ARHGEF28: variants seen among roughly 807,000 people sequenced by gnomAD.
ARHGEF28 encodes Rho guanine nucleotide exchange factor 28, also known as 190 kDa guanine nucleotide exchange factor.
ARHGEF28 carries 152 observed loss-of-function variants against 206.6 expected under a neutral mutation model. The observed-to-expected ratio is 0.74, with a 90% CI of 0.64 to 0.84. ARHGEF28 has a LOEUF of 0.84. Among genes scored for constraint, ARHGEF28 ranks in the 40% least tolerant of loss-of-function variants. The probability of loss-of-function intolerance (pLI) is 0.00; values close to 1 mark genes in which losing one functional copy is unlikely to be tolerated. For synonymous variants in ARHGEF28, 763 were observed against 776.4 expected (o/e 0.98, Z 0.29); for missense variants, 2,028 against 2,073.2 (o/e 0.98, Z 0.42).
chr5:73,686,211 A>T (rs548161218), intron 2 of ARHGEF28, among the ~76,000 whole-genome samples: 4 of 151,448 alleles, frequency 2.6e-5, no homozygotes, highest in African/African-American at 7.2e-5. Context: ...ATTAAAGATT[A>T]AAAAAAAGGC....
At chr5:73,712,351 G>C (rs1007924605) in intron 2 of ARHGEF28, among the ~76,000 whole-genome samples, 2 of 152,126 alleles carry the variant, frequency 1.3e-5, no homozygotes, top group Non-Finnish European at 2.9e-5. Context: ...TGAATTGTGA[G>C]GGAATAAAAT....
At chr5:73,780,269 C>G (rs556988992) in intron 6 of ARHGEF28, 8 of 178,678 alleles carry the variant, frequency 4.5e-5, no homozygotes, top group Non-Finnish European at 8.4e-5. Context: ...CGGTCCTAGC[C>G]CCTCACCTGG....
chr5:73,697,730 T>G (rs1454874502), intron 2 of ARHGEF28, among the ~76,000 whole-genome samples: 1 of 152,162 alleles, frequency 6.6e-6, no homozygotes, highest in Non-Finnish European at 1.5e-5. Flanking sequence ...AATTTCAACA[T>G]GAGTTTCTGG....
intron 1 of ARHGEF28, among the ~76,000 whole-genome samples, chr5:73,654,480 G>T (rs949252609): frequency 1.3e-5 from 2 of 152,192 alleles, no homozygotes; most frequent in East Asian, 3.9e-4. Flanking sequence ...ATCTTTAGTC[G>T]TGGGCCTCAT....
chr5:73,878,253 C>G (rs1176743436), intron 22 of ARHGEF28, among the ~76,000 whole-genome samples: 4 of 148,892 alleles, frequency 2.7e-5, no homozygotes, highest in Non-Finnish European at 5.9e-5. Context: ...CAACCCCTGC[C>G]TTTTTTTGTT....
At chr5:73,729,339 C>G (rs1229251754) in intron 2 of ARHGEF28, among the ~76,000 whole-genome samples, 2 of 152,130 alleles carry the variant, frequency 1.3e-5, no homozygotes, top group Non-Finnish European at 2.9e-5. Context: ...ATGTGTTGCT[C>G]TAATCATGAG....
intron 14 of ARHGEF28, among the ~76,000 whole-genome samples, chr5:73,855,562 T>C (rs778485847): frequency 1.3e-5 from 2 of 151,766 alleles, no homozygotes; most frequent in Non-Finnish European, 2.9e-5. Flanking sequence ...CAAAACCCCA[T>C]CTCTACTAAA....
intron 26 of ARHGEF28, among the ~76,000 whole-genome samples, chr5:73,888,515 G>A (rs1761437569): frequency 6.6e-6 from 1 of 152,208 alleles, no homozygotes; most frequent in Admixed American, 6.5e-5. Flanking sequence ...GTGGGATGGT[G>A]AGGGCCATGT....
At chr5:73,834,089 A>G (rs994087813) in intron 10 of ARHGEF28, among the ~76,000 whole-genome samples, 2 of 152,228 alleles carry the variant, frequency 1.3e-5, no homozygotes, top group African/African-American at 2.4e-5. Flanking sequence ...GAAATTATAT[A>G]TATTTAAAGA....
chr5:73,913,542 C>T (rs1763027499), intron 35 of ARHGEF28, among the ~76,000 whole-genome samples: 1 of 152,158 alleles, frequency 6.6e-6, no homozygotes, highest in South Asian at 2.1e-4. Context: ...CTGGTGATGG[C>T]CTTAGCTAGG....
At chr5:73,703,853 T>C (rs1017263026) in intron 2 of ARHGEF28, among the ~76,000 whole-genome samples, 21 of 151,896 alleles carry the variant, frequency 1.4e-4, no homozygotes, top group African/African-American at 5.1e-4. Flanking sequence ...CTGGACAATA[T>C]GGTGAAACCC....
At chr5:73,794,553 G>A in intron 8 of ARHGEF28, 99 bp downstream of exon 8, 2 of 964,130 alleles carry the variant, frequency 2.1e-6, no homozygotes, top group Non-Finnish European at 1.5e-6. Context: ...ACTAAAAAAA[G>A]GATGTGCCCC....
At chr5:73,630,119 T>C (rs2112112886) in intron 1 of ARHGEF28, among the ~76,000 whole-genome samples, 1 of 152,364 alleles carries the variant, frequency 6.6e-6, no homozygotes, top group South Asian at 2.1e-4. Flanking sequence ...GAAATGTTAA[T>C]ATGCTTCAAA....
intron 1 of ARHGEF28, among the ~76,000 whole-genome samples, chr5:73,658,501 G>T (rs184435258): frequency 7.9e-5 from 12 of 152,318 alleles, no homozygotes; most frequent in Non-Finnish European, 1.5e-5. Context: ...AGAAGAGATG[G>T]ATGGAGGGAA....
chr5:73,869,227 G>GC (rs200172040), intron 20 of ARHGEF28, among the ~76,000 whole-genome samples: 4 of 130,278 alleles, frequency 3.1e-5, no homozygotes, highest in African/African-American at 6.0e-5. Flanking sequence ...TGGGGTGGAG[G>GC]GGGGTGGGGA....
intron 35 of ARHGEF28, among the ~76,000 whole-genome samples, chr5:73,929,310 C>T (rs1044521166): frequency 1.3e-5 from 2 of 152,102 alleles, no homozygotes; most frequent in African/African-American, 2.4e-5. Flanking sequence ...TATTTTGAAG[C>T]GGATCTTAAA....
chr5:73,823,944 G>A (rs2112543266), intron 9 of ARHGEF28, among the ~76,000 whole-genome samples: 2 of 152,270 alleles, frequency 1.3e-5, no homozygotes, highest in South Asian at 4.2e-4. Flanking sequence ...TAATCATACA[G>A]TGCCTGGTTC....
At chr5:73,777,593 GATTATTATTGGCTTACTCC>G (rs1342587051) in intron 6 of ARHGEF28, among the ~76,000 whole-genome samples, 2 of 152,112 alleles carry the variant, frequency 1.3e-5, no homozygotes, top group African/African-American at 4.8e-5. Context: ...ATCAAACAAA[GATTATTATTGGCTTACTCC>G]ATATAGAGTT....
chr5:73,894,961 A>G (rs1761875102), intron 29 of ARHGEF28, among the ~76,000 whole-genome samples: 1 of 146,232 alleles, frequency 6.8e-6, no homozygotes, highest in Admixed American at 6.8e-5. Context: ...GTCCTGGTGC[A>G]TGGAAGTGCC....
Sources: allele counts gnomAD v4.1 joint callset (sites outside exome capture counted in the v4.1 genomes callset), GRCh38; gene constraint gnomAD v4.1.1; transcripts MANE v1.5; gene names NCBI Gene and HGNC (gene_info 2026-07-23, HGNC 2026-07-21).